Variants in SMG7 observed in about 807,000 individuals in gnomAD.
SMG7 encodes nonsense-mediated mRNA decay factor SMG7.
In SMG7, 34 loss-of-function variants were observed where a neutral mutation model predicts 148.2. That is an observed-to-expected ratio of 0.23 (90% CI 0.17 to 0.31). The LOEUF is 0.31. Ranked by LOEUF, SMG7 falls within the 10% of genes least tolerant of loss-of-function variation. SMG7 has a pLI of 1.00. For missense variants in SMG7, 1,114 were observed against 1,408.4 expected, an observed-to-expected ratio of 0.79 and a Z score of 3.35; for synonymous variants, 492 against 515.1, an observed-to-expected ratio of 0.96 and a Z score of 0.61.
chr1:183,547,653 A>G (rs767257446), intron 18 of SMG7, among the ~76,000 whole-genome samples: 7 of 152,188 alleles, frequency 4.6e-5, no homozygotes, highest in Non-Finnish European at 8.8e-5. Flanking sequence ...ATGAAAGGAA[A>G]TATGTTCTTG....
At chr1:183,519,399 G>C (rs1370794708) in intron 4 of SMG7, among the ~76,000 whole-genome samples, 7 of 151,684 alleles carry the variant, frequency 4.6e-5, no homozygotes, top group Non-Finnish European at 8.8e-5. Context: ...TCTCGAGAGA[G>C]GGATTGGTCC....
intron 4 of SMG7, among the ~76,000 whole-genome samples, chr1:183,526,206 T>C (rs181706408): frequency 7.0e-4 from 106 of 151,002 alleles, no homozygotes; most frequent in African/African-American, 2.6e-3. Context: ...TGGAGTGCAG[T>C]GGCGTGATCT....
chr1:183,497,954 C>T (rs890853815), intron 1 of SMG7, among the ~76,000 whole-genome samples: 1 of 152,200 alleles, frequency 6.6e-6, no homozygotes, highest in Non-Finnish European at 1.5e-5. Flanking sequence ...ATTAAATTGT[C>T]ATCTGGAAGT....
rs140606855 is a variant in SMG7 at position 183,524,827 on chromosome 1, C to G, written c.313-1769C>G. Among the ~76,000 whole-genome samples the G allele has an allele frequency of 8.6e-4, 131 of 152,208 alleles. 2 individuals are homozygous for G. The East Asian group carries it at 0.018, about 21-fold the overall frequency. ...TCAGATAACCTAGGGAAATAAGTTA[C>G]GTTATAAATGTAGAATATTCTGTTG... On this transcript the variant is annotated intron_variant, in intron 4 of 22. Transcript: ENST00000688051.
At chr1:183,533,573 A>T in intron 9 of SMG7, 103 bp from the exon 10 acceptor site, 1 of 1,016,956 alleles carries the variant, frequency 9.8e-7, no homozygotes, top group South Asian at 1.7e-5. Flanking sequence ...GCTGTAAGAT[A>T]CTCAAGTGTT....
intron 1 of SMG7, among the ~76,000 whole-genome samples, chr1:183,494,553 T>C (rs1657928870): frequency 6.6e-6 from 1 of 151,258 alleles, no homozygotes; most frequent in Admixed American, 6.6e-5. Flanking sequence ...ATATTCCTTA[T>C]GGTATTGATC....
In SMG7 at chr1:183,552,527, C is replaced by T. The variant is rs921642587; in HGVS notation, c.*596C>T. Reference sequence around the variant, plus strand: ...GGTTGGTGGTGACAGGATGGGGAACCGACCTCTTCAGCCAGTGGAAATGTT... The same window carrying T: ...GGTTGGTGGTGACAGGATGGGGAACTGACCTCTTCAGCCAGTGGAAATGTT... On this transcript the variant is annotated 3_prime_UTR_variant, in exon 23 of 23. Transcript: ENST00000688051. 1.9e-5 allele frequency: 19 copies of T among 999,760 alleles called. No individual in the cohort carries two copies. Among genetic ancestry groups the T allele is most frequent in the African/African-American group, 1.0e-4 (6 of 57,498 alleles). The allele number at this position is 999,760 out of a possible 1,614,324, so 61.9% of individuals were successfully genotyped here.
chr1:183,526,789 A>T, intron 5 of SMG7, 22 bp downstream of exon 5: 1 of 1,585,428 alleles, frequency 6.3e-7, no homozygotes. Context: ...CTGTGAAGGA[A>T]TTGATAATAT....
At chr1:183,541,219 A>G (rs1232053073) in intron 13 of SMG7, 116 bp downstream of exon 13, 5 of 914,688 alleles carry the variant, frequency 5.5e-6, no homozygotes, top group African/African-American at 1.7e-5. Flanking sequence ...AGGCTTTGGT[A>G]TAAATATTGT....
At chr1:183,496,813 A>T (rs1465805386) in intron 1 of SMG7, among the ~76,000 whole-genome samples, 2 of 152,198 alleles carry the variant, frequency 1.3e-5, no homozygotes, top group African/African-American at 4.8e-5. Context: ...AACACTAATG[A>T]TAGCTGATGA....
At chr1:183,481,169 C>G (rs1029862802) in intron 1 of SMG7, among the ~76,000 whole-genome samples, 3 of 152,194 alleles carry the variant, frequency 2.0e-5, no homozygotes, top group Non-Finnish European at 4.4e-5. Context: ...ACCTCTGCCT[C>G]ATGATATCTT....
chr1:183,508,684 C>T (rs1265206001), intron 1 of SMG7, among the ~76,000 whole-genome samples: 1 of 151,998 alleles, frequency 6.6e-6, no homozygotes, highest in Non-Finnish European at 1.5e-5. Flanking sequence ...TAACTCTTAG[C>T]TTAACCCTCC....
intron 2 of SMG7, among the ~76,000 whole-genome samples, chr1:183,514,029 CAAAAAAAAAAA>C (rs1035651769): frequency 1.2e-4 from 5 of 41,320 alleles, no homozygotes; most frequent in African/African-American, 3.9e-4. Context: ...GACTCCGTCT[CAAAAAAAAAAA>C]AAAAAAAAAA....
intron 1 of SMG7, 53 bp from the exon 2 acceptor site, chr1:183,512,784 C>A: frequency 3.3e-6 from 5 of 1,494,290 alleles, no homozygotes; most frequent in Non-Finnish European, 4.5e-6. Flanking sequence ...GTTAGTTAGG[C>A]CTCGTTTGTT....
Position 183,544,502 on chromosome 1 carries a change from A to G in SMG7, c.1987+5A>G, listed in dbSNP as rs757317888. 4 of 1,612,348 alleles carry G rather than the reference A, an allele frequency of 2.5e-6. No homozygotes were observed. The highest frequency in any genetic ancestry group is 4.5e-5 in the East Asian group (2 of 44,834). The stretch of plus-strand genomic sequence containing the variant: ...CTCCTCTTCCCAGCAGGCCAGGTAA[A>G]TATGTTTTGTAATTTCTTCTACTTA... On this transcript the variant is annotated splice_donor_5th_base_variant and intron_variant, in intron 15 of 22. Transcript: ENST00000688051.
chr1:183,512,766 A>C, intron 1 of SMG7, 71 bp from the exon 2 acceptor site: 1 of 1,365,868 alleles, frequency 7.3e-7, no homozygotes, highest in South Asian at 1.3e-5. Context: ...TTTTAGTGTT[A>C]TTTATATGTT....
intron 1 of SMG7, among the ~76,000 whole-genome samples, chr1:183,478,968 T>C (rs1264856079): frequency 6.6e-6 from 1 of 152,192 alleles, no homozygotes; most frequent in Admixed American, 6.5e-5. Flanking sequence ...TGAATAGACT[T>C]ATCAGCTGTC....
intron 8 of SMG7, among the ~76,000 whole-genome samples, chr1:183,532,956 G>A (rs1667127899): frequency 6.6e-6 from 1 of 152,188 alleles, no homozygotes; most frequent in Non-Finnish European, 1.5e-5. Context: ...ACTCTGTGGT[G>A]TCTAGATTAA....
At chr1:183,549,312 G>A (rs1558069894) in intron 19 of SMG7, 24 bp downstream of exon 19, 1 of 1,519,938 alleles carries the variant, frequency 6.6e-7, no homozygotes. Flanking sequence ...GAAGAATCCT[G>A]CTGTGTGCTT....
Sources: allele counts gnomAD v4.1 joint callset (sites outside exome capture counted in the v4.1 genomes callset), GRCh38; gene constraint gnomAD v4.1.1; transcripts MANE v1.5; gene names NCBI Gene and HGNC (gene_info 2026-07-23, HGNC 2026-07-21).